The following CNTLN variants were observed in gnomAD, a reference collection of about 807,000 sequenced individuals.
CNTLN encodes the protein centlein.
In CNTLN, 212 loss-of-function variants were observed where a neutral mutation model predicts 180.0. The ratio of observed to expected loss-of-function variants is 1.18; its 90% confidence interval spans 1.05 to 1.32. The LOEUF (loss-of-function observed/expected upper bound fraction) is 1.32, where lower values mean the gene tolerates loss of function less well. Among genes scored for constraint, CNTLN ranks in the 40% most tolerant of loss-of-function variants. CNTLN has a pLI of 0.00. For missense variants in CNTLN, 2,095 were observed against 1,610.9 expected, an observed-to-expected ratio of 1.30 and a Z score of -5.14; for synonymous variants, 722 against 563.1, an observed-to-expected ratio of 1.28 and a Z score of -3.99.
At chr9:17,479,924 A>G (rs555632479) in intron 23 of CNTLN, among the ~76,000 whole-genome samples, 1 of 152,218 alleles carries the variant, frequency 6.6e-6, no homozygotes, top group Non-Finnish European at 1.5e-5. Flanking sequence ...TTTAAAAAAT[A>G]TGGTATCCTG....
chr9:17,504,754 AGG>A (rs1290314046), downstream of CNTLN, among the ~76,000 whole-genome samples: 1 of 152,172 alleles, frequency 6.6e-6, no homozygotes, highest in Non-Finnish European at 1.5e-5. Flanking sequence ...CATGAGCCAA[AGG>A]ATGTGGATGG....
intron 5 of CNTLN, among the ~76,000 whole-genome samples, chr9:17,258,615 G>T (rs1339583295): frequency 3.3e-5 from 5 of 150,230 alleles, no homozygotes; most frequent in Non-Finnish European, 7.4e-5. Flanking sequence ...CATGAACATG[G>T]AATGTTCTTC....
At chr9:17,478,662 T>A (rs796723869) in intron 23 of CNTLN, among the ~76,000 whole-genome samples, 3 of 152,282 alleles carry the variant, frequency 2.0e-5, no homozygotes, top group African/African-American at 7.2e-5. Context: ...TGAGCTGATT[T>A]TTGTCTGTGG....
At chr9:17,328,647 C>G (rs909469670) in intron 8 of CNTLN, among the ~76,000 whole-genome samples, 1 of 152,146 alleles carries the variant, frequency 6.6e-6, no homozygotes, top group Non-Finnish European at 1.5e-5. Flanking sequence ...AAAATGGGAA[C>G]ATGAATAAGT....
intron 15 of CNTLN, among the ~76,000 whole-genome samples, chr9:17,399,713 A>G (rs1826820321): frequency 6.6e-6 from 1 of 152,204 alleles, no homozygotes; most frequent in Admixed American, 6.5e-5. Context: ...AAGGAATTTG[A>G]AAAATGGCAG....
At chr9:17,255,808 T>C (rs1826446223) in intron 5 of CNTLN, among the ~76,000 whole-genome samples, 1 of 151,930 alleles carries the variant, frequency 6.6e-6, no homozygotes, top group Non-Finnish European at 1.5e-5. Context: ...TGATAGGTTT[T>C]TGATTACTGA....
At chr9:17,136,458 T>TAGCTGGGACTA (rs1271418924) in intron 1 of CNTLN, among the ~76,000 whole-genome samples, 1 of 152,186 alleles carries the variant, frequency 6.6e-6, no homozygotes, top group Non-Finnish European at 1.5e-5. Context: ...GCCTCCCGAA[T>TAGCTGGGACTA]AGCTGGGACT....
At chr9:17,215,897 G>T (rs1823718929) in intron 2 of CNTLN, among the ~76,000 whole-genome samples, 1 of 152,090 alleles carries the variant, frequency 6.6e-6, no homozygotes, top group African/African-American at 2.4e-5. Flanking sequence ...TAAGACCGTT[G>T]GAAAAGCGCA....
At position 17,135,074 on chromosome 9, in the gene CNTLN, G is replaced by C. The variant is rs768407618; in HGVS notation, c.9G>C (p.Ala3=). 6 of 1,597,606 alleles carry C rather than the reference G, an allele frequency of 3.8e-6. No individual in the cohort carries two copies. In the South Asian group the frequency reaches 6.7e-5, roughly 18 times the overall value. The change falls in exon 1 of 26, where the codon GCG becomes GCC. Residue 3 remains alanine (A), a synonymous_variant. Transcript: ENST00000380647. Reference sequence around the variant, plus strand: ...CGTTAGCAGCCGCAGCCATGGCGGCGCGTTCGCCTCCCTCACCGCACCCTT... The same window carrying C: ...CGTTAGCAGCCGCAGCCATGGCGGCCCGTTCGCCTCCCTCACCGCACCCTT... The part of the protein sequence containing the change: MA[A]RSPPSPHPSP...
intron 12 of CNTLN, among the ~76,000 whole-genome samples, chr9:17,357,506 A>C (rs1307887504): frequency 6.7e-6 from 1 of 149,942 alleles, no homozygotes; most frequent in South Asian, 2.1e-4. Flanking sequence ...CCATACATAT[A>C]TTATTCTAAA....
intron 7 of CNTLN, among the ~76,000 whole-genome samples, chr9:17,303,032 G>C (rs1263953573): frequency 6.6e-6 from 1 of 152,156 alleles, no homozygotes; most frequent in South Asian, 2.1e-4. Context: ...GCTTTTGCCT[G>C]ATTGTTTAAG....
intron 18 of CNTLN, among the ~76,000 whole-genome samples, chr9:17,419,574 A>T (rs1204793678): frequency 2.0e-5 from 3 of 152,150 alleles, no homozygotes; most frequent in Non-Finnish European, 2.9e-5. Flanking sequence ...GAAAATAATG[A>T]TATTTTCTCA....
chr9:17,469,249 T>C (rs1831922598), intron 23 of CNTLN, among the ~76,000 whole-genome samples: 1 of 151,840 alleles, frequency 6.6e-6, no homozygotes, highest in South Asian at 2.1e-4. Flanking sequence ...TAACAATACA[T>C]ATCAGTTTGA....
intron 12 of CNTLN, among the ~76,000 whole-genome samples, chr9:17,344,980 C>CAGGCT (rs145501200): frequency 0.012 from 1,818 of 152,256 alleles, 40 homozygotes; most frequent in African/African-American, 0.041. Flanking sequence ...CAGAATCATA[C>CAGGCT]AGGCTATTTA....
intron 2 of CNTLN, among the ~76,000 whole-genome samples, chr9:17,189,520 G>A (rs1821660285): frequency 6.7e-6 from 1 of 149,452 alleles, no homozygotes. Context: ...TTCTCACTCT[G>A]TCACCCAGGC....
intron 15 of CNTLN, 152 bp downstream of exon 15, chr9:17,395,221 G>A: frequency 1.6e-6 from 2 of 1,227,854 alleles, no homozygotes; most frequent in Non-Finnish European, 2.1e-6. Context: ...CTTGTTCTGA[G>A]CTTATTGACT....
At chr9:17,330,555 T>TA in intron 8 of CNTLN, 77 bp from the exon 9 acceptor site, 1 of 800,028 alleles carries the variant, frequency 1.2e-6, no homozygotes, top group Admixed American at 3.0e-5. Context: ...AATATAGTGT[T>TA]ACATTTAACT....
intron 2 of CNTLN, among the ~76,000 whole-genome samples, chr9:17,221,193 C>G (rs1323196824): frequency 1.3e-5 from 2 of 151,822 alleles, no homozygotes; most frequent in Non-Finnish European, 2.9e-5. Context: ...TAATGATAAG[C>G]TAAACATTCA....
intron 15 of CNTLN, among the ~76,000 whole-genome samples, chr9:17,396,483 T>A (rs1826534938): frequency 6.6e-6 from 1 of 152,198 alleles, no homozygotes; most frequent in South Asian, 2.1e-4. Flanking sequence ...TTCTGCCTTG[T>A]TTTATAATGA....
Sources: allele counts gnomAD v4.1 joint callset (sites outside exome capture counted in the v4.1 genomes callset), GRCh38; gene constraint gnomAD v4.1.1; transcripts MANE v1.5; gene names NCBI Gene and HGNC (gene_info 2026-07-23, HGNC 2026-07-21).